USP6: variants seen among roughly 807,000 people sequenced by gnomAD.
USP6 encodes ubiquitin carboxyl-terminal hydrolase 6.
In USP6, 128 loss-of-function variants were observed where a neutral mutation model predicts 175.7. That is an observed-to-expected ratio of 0.73 (90% CI 0.63 to 0.84). The LOEUF is 0.84. Ranked by LOEUF, USP6 falls within the 40% of genes least tolerant of loss-of-function variation. The pLI is 0.00. For missense variants in USP6, 1,498 were observed against 1,760.3 expected, an observed-to-expected ratio of 0.85 and a Z score of 2.67; for synonymous variants, 562 against 630.6, an observed-to-expected ratio of 0.89 and a Z score of 1.63.
At position 5,170,788 on chromosome 17, in the gene USP6, C is replaced by T. The variant is rs762837394; in HGVS notation, c.3827C>T (p.Ala1276Val). 11 of 1,613,884 alleles carry T rather than the reference C, an allele frequency of 6.8e-6. No individual in the cohort carries two copies. The highest frequency in any genetic ancestry group is 8.5e-6 in the Non-Finnish European group (10 of 1,179,878). Reference sequence around the variant, plus strand: ...AATGGATTCCTTTATGAGCATGAAGCATGTGGCAATGGCTGTGGCGATGGC... The same window carrying T: ...AATGGATTCCTTTATGAGCATGAAGTATGTGGCAATGGCTGTGGCGATGGC... Reference protein sequence around the residue: ...LANGFLYEHEACGNGCGDGYS... With the variant: ...LANGFLYEHEVCGNGCGDGYS... Residue 1276 changes from alanine to valine, a missense_variant, in exon 36 of 38, where the codon GCA (alanine) becomes GTA (valine). By Grantham distance (64) the Ala-to-Val change is moderately conservative. Around this residue, in one of 2 missense-constraint regions of USP6, gnomAD observed 1,217 missense variants for 1,500.8 expected, o/e 0.81. Transcript: ENST00000574788.
At chr17:5,130,344 C>G (rs2073023316) in intron 9 of USP6, 23 bp from the exon 10 acceptor site, 2 of 1,613,584 alleles carry the variant, frequency 1.2e-6, no homozygotes, top group Admixed American at 1.7e-5. Flanking sequence ...ACAGTGTAAC[C>G]TTTAGACAAT....
chr17:5,123,598 C>G (rs2072781436), intron 4 of USP6, among the ~76,000 whole-genome samples: 1 of 152,160 alleles, frequency 6.6e-6, no homozygotes, highest in South Asian at 2.1e-4. Flanking sequence ...GGCCTGGGAC[C>G]CCGTGTGCGC....
At chr17:5,141,772 A>G (rs887508115) in intron 23 of USP6, among the ~76,000 whole-genome samples, 1 of 152,224 alleles carries the variant, frequency 6.6e-6, no homozygotes, top group Non-Finnish European at 1.5e-5. Flanking sequence ...AATCATAGCA[A>G]TTAAAAAGAA....
rs1192012350 is a variant in USP6 at position 5,172,901 on chromosome 17, G to A, written c.4144G>A (p.Gly1382Ser). ...CGCACAATTTCTGCCAAAGATTGAT[G>A]GCAAAAAGATGGCAGACACAAGCAG... ...DYAQFLPKIDGKKMADTSSTD... is the reference protein window; with the variant it reads ...DYAQFLPKIDSKKMADTSSTD... The change falls in exon 38 of 38, where the codon GGC becomes AGC. Residue 1382 changes from glycine (G) to serine (S), a missense_variant. Coordinates refer to ENST00000574788, the MANE Select transcript of USP6 (RefSeq NM_001304284.2). The A allele has an allele frequency of 1.2e-6, 2 of 1,613,930 alleles. No homozygotes were observed. The highest frequency in any genetic ancestry group is 1.7e-4 in the Middle Eastern group (1 of 6,056).
chr17:5,132,070 T>A lies in USP6; in HGVS notation c.156-326T>A. 1.1e-6 allele frequency: 1 copy of A among 882,372 alleles called. No homozygotes were observed. The highest frequency in any genetic ancestry group is 1.6e-6 in the Non-Finnish European group (1 of 628,186). 54.7% of individuals were successfully genotyped at this position (882,372 alleles called of 1,614,324 possible). ...CCCATGCTGGGTGGCCCCCATCCCA[T>A]CTCAGGGCTAACCTTTCTCAGCTCC... On this transcript the variant is annotated intron_variant, in intron 11 of 37. Transcript: ENST00000574788. The surrounding 1 kb of genome is among the most constrained non-coding windows in gnomAD (Gnocchi z 4.7).
intron 4 of USP6, among the ~76,000 whole-genome samples, chr17:5,122,091 G>T (rs2072687817): frequency 6.6e-6 from 1 of 151,908 alleles, no homozygotes; most frequent in Non-Finnish European, 1.5e-5. Flanking sequence ...TGTGTCAGGG[G>T]GCTGGAGCAG....
At chr17:5,138,752 C>T (rs1269477786) in intron 21 of USP6, among the ~76,000 whole-genome samples, 3 of 152,166 alleles carry the variant, frequency 2.0e-5, no homozygotes, top group African/African-American at 7.2e-5. Context: ...AGGGAGAGGG[C>T]ACAGGCGGGA....
intron 6 of USP6, 37 bp from the exon 7 acceptor site, chr17:5,127,467 A>T (rs2072930031): frequency 6.6e-6 from 1 of 152,236 alleles, no homozygotes; most frequent in Non-Finnish European, 1.5e-5. Context: ...AAACTGGACA[A>T]CGTGAACTTG....
chr17:5,127,894 G>A (rs759861595), intron 7 of USP6, among the ~76,000 whole-genome samples: 1 of 152,216 alleles, frequency 6.6e-6, no homozygotes, highest in African/African-American at 2.4e-5. Flanking sequence ...CACATGTTCA[G>A]TAGAGACAAC....
At position 5,132,430 on chromosome 17, in the gene USP6, G is replaced by T. The variant is rs1409424945; in HGVS notation, c.190G>T (p.Ala64Ser). The stretch of plus-strand genomic sequence containing the variant: ...GCTGCCTCCTGTGACTGCACGGGAG[G>T]CGAAGGTAAGAGCCTGATGCGTGGA... ...TELPPVTARE[A>S]KKIRREMTRT... The change falls in exon 12 of 38, where the codon GCG (alanine) becomes TCG (serine). Residue 64 changes from alanine (A) to serine (S), a missense_variant. Ala to Ser is a moderately conservative substitution (Grantham distance 99, BLOSUM62 1). Around this residue, in one of 2 missense-constraint regions of USP6, gnomAD observed 281 missense variants for 259.6 expected, o/e 1.08. Coordinates refer to ENST00000574788, the MANE Select transcript of USP6 (RefSeq NM_001304284.2). This position sits in a 1 kb window ranked among gnomAD's most constrained non-coding sequence, Gnocchi z 4.7. The T allele has an allele frequency of 6.2e-7, 1 of 1,612,040 alleles. No homozygotes were observed. Among genetic ancestry groups the T allele is most frequent in the East Asian group, 2.2e-5 (1 of 44,888 alleles).
At chr17:5,139,082 C>T (rs902319648) in intron 21 of USP6, 173 bp from the exon 22 acceptor site, 7 of 1,593,968 alleles carry the variant, frequency 4.4e-6, no homozygotes. Context: ...CCATGCCAGG[C>T]AGCACACACC....
At chr17:5,141,219 G>A (rs541175932) in intron 22 of USP6, among the ~76,000 whole-genome samples, 7 of 152,214 alleles carry the variant, frequency 4.6e-5, no homozygotes, top group East Asian at 3.9e-4. Flanking sequence ...GGTACACTCC[G>A]TGATGTTCAT....
intron 22 of USP6, among the ~76,000 whole-genome samples, chr17:5,140,183 T>C (rs147677090): frequency 3.0e-4 from 45 of 152,286 alleles, no homozygotes; most frequent in African/African-American, 1.0e-3. Flanking sequence ...ATTTTAGATA[T>C]ACAGAAATAT....
chr17:5,137,994 A>C (rs1644672005), intron 20 of USP6, 127 bp from the exon 21 acceptor site: 2 of 1,559,242 alleles, frequency 1.3e-6, no homozygotes, highest in Non-Finnish European at 1.7e-6. Context: ...TCCTGTGTAC[A>C]TCTGGATGCC....
intron 4 of USP6, chr17:5,123,071 C>G (rs2072748622): frequency 6.5e-6 from 1 of 153,218 alleles, no homozygotes; most frequent in Non-Finnish European, 1.5e-5. Flanking sequence ...GATCCTTAGG[C>G]TCCGAAGAGA....
At chr17:5,134,345 C>T (rs1032160398) in intron 15 of USP6, 46 of 298,816 alleles carry the variant, frequency 1.5e-4, no homozygotes, top group Non-Finnish European at 2.7e-4. Context: ...CCAGGCAACA[C>T]AGCACCAAAT....
At chr17:5,157,227 A>G (rs898840774) in intron 31 of USP6, among the ~76,000 whole-genome samples, 3 of 151,952 alleles carry the variant, frequency 2.0e-5, no homozygotes, top group African/African-American at 7.3e-5. Flanking sequence ...CTGGGATTAC[A>G]GGTGCCTGCC....
In USP6 at chr17:5,162,969, GC is replaced by G. The variant is rs1402169131; in HGVS notation, c.3004del (p.Leu1002PhefsTer13). On this transcript the variant is annotated frameshift_variant, in exon 33 of 38. Transcript: ENST00000574788. LOFTEE classifies it high-confidence loss of function. ...AYIAVDWHPT[A>X]LHLRYQTSQE... Reference sequence around the variant, plus strand: ...TATTGCTGTGGATTGGCACCCCACAGCCCTTCACCTTCGCTATCAAACATCC... The same window carrying G: ...TATTGCTGTGGATTGGCACCCCACAGCCTTCACCTTCGCTATCAAACATCC... 6.3e-7 allele frequency: 1 copy of G among 1,596,178 alleles called. No homozygotes were observed. Among genetic ancestry groups the G allele is most frequent in the African/African-American group, 1.4e-5 (1 of 73,684 alleles).
intron 22 of USP6, 128 bp from the exon 23 acceptor site, chr17:5,141,297 T>G: frequency 2.5e-6 from 2 of 797,028 alleles, no homozygotes. Flanking sequence ...ATGCATGTAC[T>G]AAAATTAGCT....
Sources: gnomAD v4.1 joint callset for allele counts (sites outside exome capture counted in the v4.1 genomes callset) on GRCh38, gnomAD v4.1.1 for gene constraint, gnomAD v4.1.1 regional missense constraint, Gnocchi (gnomAD v3.1) non-coding constraint, MANE v1.5 for transcripts, NCBI Gene and HGNC (gene_info 2026-07-23, HGNC 2026-07-21) for gene names.